Variants in SEPTIN11 observed in about 807,000 individuals in gnomAD.
SEPTIN11 encodes the protein septin 11, also known as septin-11.
In SEPTIN11, 25 loss-of-function variants were observed where a neutral mutation model predicts 51.4. That is an observed-to-expected ratio of 0.49 (90% CI 0.35 to 0.68). The LOEUF is 0.68. Among genes scored for constraint, SEPTIN11 ranks in the 30% least tolerant of loss-of-function variants. The pLI is 0.00. For missense variants in SEPTIN11, 381 were observed against 520.8 expected (o/e 0.73, Z 2.61); for synonymous variants, 174 against 184.1 (o/e 0.95, Z 0.44).
intron 2 of SEPTIN11, among the ~76,000 whole-genome samples, chr4:77,000,823 A>G (rs2109941156): frequency 6.6e-6 from 1 of 152,268 alleles, no homozygotes; most frequent in Non-Finnish European, 1.5e-5. Flanking sequence ...ATGTTTCATC[A>G]AAGGTGATTC....
Position 77,024,869 on chromosome 4 carries a change from T to C in SEPTIN11, c.954-3760T>C, listed in dbSNP as rs1338213194. 6.6e-6 allele frequency among the ~76,000 whole-genome samples: 1 copy of C among 152,212 alleles called. No homozygotes were observed. The highest frequency in any genetic ancestry group is 1.5e-5 in the Non-Finnish European group (1 of 68,032). On this transcript the variant is annotated intron_variant, in intron 7 of 9. Coordinates refer to ENST00000264893, the MANE Select transcript of SEPTIN11 (RefSeq NM_018243.4). This position sits in a 1 kb window ranked among gnomAD's most constrained non-coding sequence, Gnocchi z 4.2. Reference sequence around the variant, plus strand: ...TAAAGTGGGAGGTGATAGTAATGGCTACCTTATTGGGTTGTTGTAAGGATT... The same window carrying C: ...TAAAGTGGGAGGTGATAGTAATGGCCACCTTATTGGGTTGTTGTAAGGATT...
chr4:77,033,106 A>G (rs1726779709), intron 9 of SEPTIN11, among the ~76,000 whole-genome samples: 1 of 151,866 alleles, frequency 6.6e-6, no homozygotes, highest in Non-Finnish European at 1.5e-5. Context: ...CCTTTTCCAC[A>G]CTTTACATTT....
chr4:76,951,221 T>A (rs1156458095), intron 1 of SEPTIN11, among the ~76,000 whole-genome samples: 2 of 152,126 alleles, frequency 1.3e-5, no homozygotes, highest in Non-Finnish European at 2.9e-5. Flanking sequence ...AGTTCATGGG[T>A]CCCTTTGCGG....
rs1031123518 is a variant in SEPTIN11, at chr4:77,037,540, T to A, written c.*3028T>A. 6.5e-5 allele frequency: 64 copies of A among 985,234 alleles called. No homozygotes were observed. Among genetic ancestry groups the A allele is most frequent in the Non-Finnish European group, 7.6e-5 (63 of 829,898 alleles). 61.0% of individuals were successfully genotyped at this position (985,234 alleles called of 1,614,324 possible). A position where few individuals can be genotyped will look rare whatever the true frequency, so the allele number is the denominator to read the frequency against. ...ATGCTAGGATGCCTTTATGACCACT[T>A]AATTTTTTAATCTTAGTTTAATGGT... On this transcript the variant is annotated 3_prime_UTR_variant, in exon 10 of 10. Transcript: ENST00000264893.
chr4:76,976,567 C>G (rs1722512832), intron 1 of SEPTIN11, among the ~76,000 whole-genome samples: 1 of 152,146 alleles, frequency 6.6e-6, no homozygotes, highest in East Asian at 1.9e-4. Context: ...TTTGTGGTAT[C>G]TAAACAATCA....
chr4:76,957,112 C>CAAGT (rs887889742), intron 1 of SEPTIN11, among the ~76,000 whole-genome samples: 6 of 151,986 alleles, frequency 3.9e-5, no homozygotes, highest in African/African-American at 1.2e-4. Context: ...ACATCACCAT[C>CAAGT]AAGTAAGTCA....
rs1726573866 is a variant in SEPTIN11, at chr4:77,030,894, G to C, written c.1198G>C (p.Ala400Pro). The change falls in exon 9 of 10, where the codon GCA becomes CCA. Residue 400 changes from alanine (A) to proline (P), a missense_variant. By Grantham distance (27) the Ala-to-Pro change is conservative. Transcript: ENST00000264893. The stretch of plus-strand genomic sequence containing the variant: ...GGTGAACAACTTCCAGAAGAAGAAA[G>C]CAGCGGCTCAGTTACTACAGTCCCA... ...EEVNNFQKKK[A>P]AAQLLQSQAQ... The C allele has an allele frequency of 6.2e-7, 1 of 1,613,616 alleles. No individual in the cohort carries two copies. Among genetic ancestry groups the C allele is most frequent in the Non-Finnish European group, 8.5e-7 (1 of 1,179,946 alleles).
chr4:76,993,323 T>C (rs1723485078), intron 1 of SEPTIN11, among the ~76,000 whole-genome samples: 1 of 152,120 alleles, frequency 6.6e-6, no homozygotes, highest in African/African-American at 2.4e-5. Flanking sequence ...GTTCCTCTGA[T>C]AGAAATTCAG....
intron 1 of SEPTIN11, among the ~76,000 whole-genome samples, chr4:76,950,993 C>T (rs1338740201): frequency 6.6e-6 from 1 of 152,240 alleles, no homozygotes; most frequent in East Asian, 1.9e-4. Flanking sequence ...TCTATCACCT[C>T]CTCTTCCCTT....
At chr4:77,038,968 C>A, downstream of SEPTIN11, 1 of 733,452 alleles carries the variant, frequency 1.4e-6, no homozygotes, top group Non-Finnish European at 2.1e-6. Flanking sequence ...CATTAACTGA[C>A]ACACTGCTGT....
intron 1 of SEPTIN11, among the ~76,000 whole-genome samples, chr4:76,952,711 T>G (rs1453414479): frequency 3.3e-5 from 5 of 152,250 alleles, no homozygotes; most frequent in Non-Finnish European, 2.9e-5. Flanking sequence ...GATCCCTAGC[T>G]TCTCCATTTC....
intron 9 of SEPTIN11, chr4:77,031,609 G>T (rs566354234): frequency 6.6e-6 from 1 of 152,250 alleles, no homozygotes; most frequent in African/African-American, 2.4e-5. Context: ...CTCTTGAGTT[G>T]GTCACTTCCT....
chr4:76,954,225 C>T (rs910288516), intron 1 of SEPTIN11, among the ~76,000 whole-genome samples: 7 of 152,150 alleles, frequency 4.6e-5, no homozygotes, highest in African/African-American at 1.4e-4. Context: ...TAGACTGTGG[C>T]GCAGCCCACA....
At chr4:77,002,526 T>C (rs570962215) in intron 2 of SEPTIN11, among the ~76,000 whole-genome samples, 30 of 152,324 alleles carry the variant, frequency 2.0e-4, no homozygotes, top group African/African-American at 6.3e-4. Context: ...TAAAAATAGG[T>C]AAATCCTGAA....
At chr4:76,998,530 T>G (rs528912798) in intron 2 of SEPTIN11, among the ~76,000 whole-genome samples, 3 of 152,304 alleles carry the variant, frequency 2.0e-5, no homozygotes, top group African/African-American at 7.2e-5. Context: ...TCACGTTGCA[T>G]CGCTCTTTTA....
chr4:77,004,746 T>C (rs1724361518), intron 2 of SEPTIN11, among the ~76,000 whole-genome samples: 1 of 152,118 alleles, frequency 6.6e-6, no homozygotes, highest in African/African-American at 2.4e-5. Context: ...GTGGACTATT[T>C]GAGGTCAGGA....
In SEPTIN11 at chr4:77,036,052, T is replaced by G. The variant is rs960052266; in HGVS notation, c.*1540T>G. 4.1e-6 allele frequency: 4 copies of G among 985,848 alleles called. No homozygotes were observed. In the African/African-American group the frequency reaches 7.0e-5, roughly 17 times the overall value. 61.1% of individuals were successfully genotyped at this position (985,848 alleles called of 1,614,324 possible). On this transcript the variant is annotated 3_prime_UTR_variant, in exon 10 of 10. Coordinates refer to ENST00000264893, the MANE Select transcript of SEPTIN11 (RefSeq NM_018243.4). ...TTTTTTGAATGAGCAAGTCTCCATT[T>G]TGATTTCAGCAAAGATTTTTTCTCC...
downstream of SEPTIN11, chr4:77,039,950 C>A (rs1372221583): frequency 6.3e-6 from 1 of 157,786 alleles, no homozygotes; most frequent in Admixed American, 6.6e-5. Context: ...AAAATTATGC[C>A]AGTTTTAAGC....
At chr4:76,957,132 A>G (rs1321391836) in intron 1 of SEPTIN11, among the ~76,000 whole-genome samples, 1 of 152,044 alleles carries the variant, frequency 6.6e-6, no homozygotes, top group Non-Finnish European at 1.5e-5. Context: ...ATGGGTGGTA[A>G]CCTTCTGAAA....
Sources: gnomAD v4.1 joint callset for allele counts (sites outside exome capture counted in the v4.1 genomes callset) on GRCh38, gnomAD v4.1.1 for gene constraint, Gnocchi (gnomAD v3.1) non-coding constraint, MANE v1.5 for transcripts, NCBI Gene and HGNC (gene_info 2026-07-23, HGNC 2026-07-21) for gene names.